Variants in EMC3 observed in about 807,000 individuals in gnomAD.
EMC3 encodes ER membrane protein complex subunit 3, also known as 30 kDa protein.
In EMC3, 13 loss-of-function variants were observed where a neutral mutation model predicts 36.6. The ratio of observed to expected loss-of-function variants is 0.35; its 90% CI spans 0.23 to 0.56. EMC3 has a LOEUF of 0.56. Ranked by LOEUF, EMC3 falls within the 20% of genes least tolerant of loss-of-function variation. The pLI is 0.84. For synonymous variants in EMC3, 120 were observed against 111.9 expected, an observed-to-expected ratio of 1.07 and a Z score of -0.46; for missense variants, 220 against 324.5, an observed-to-expected ratio of 0.68 and a Z score of 2.47.
Position 9,986,824 on chromosome 3 carries a change from C to G in EMC3, c.-163G>C, listed in dbSNP as rs6797980. ...GCCGAGCTTACTGCCTTCAGCTGGG[C>G]TGCCTGGTCTTCCACTTCCGGCGCG... On this transcript the variant is annotated 5_prime_UTR_variant, in exon 1 of 8. Transcript: ENST00000245046. 4.3e-6 allele frequency: 6 copies of G among 1,408,018 alleles called. No homozygotes were observed. Among genetic ancestry groups the G allele is most frequent in the Non-Finnish European group, 3.7e-6 (4 of 1,078,912 alleles). The allele number at this position is 1,408,018 out of a possible 1,614,324, so 87.2% of individuals were successfully genotyped here.
intron 7 of EMC3, among the ~76,000 whole-genome samples, chr3:9,968,159 A>G (rs2085750920): frequency 6.6e-6 from 1 of 152,206 alleles, no homozygotes; most frequent in South Asian, 2.1e-4. Context: ...TGACGTTGTG[A>G]TCTGCCCACC....
rs756743265 is a variant in EMC3, at chr3:9,964,077, T to G, written c.778A>C (p.Ile260Leu). 6.2e-7 allele frequency: 1 copy of G among 1,613,992 alleles called. No homozygotes were observed. The highest frequency in any genetic ancestry group is 2.2e-5 in the East Asian group (1 of 44,892). Residue 260 changes from isoleucine to leucine, a missense_variant, in exon 8 of 8, where the codon ATT (isoleucine) becomes CTT (leucine). Physicochemically the swap from Ile to Leu is conservative, Grantham distance 5. Transcript: ENST00000245046. ...TAATCCCTGCTCGGTCTTCAAAAAA[T>G]AGAGGTCTGTAATTCCTTTTTGAAC... ...GMFKKELQTS[I>L]F
At chr3:9,988,668 C>T (rs1226397247), upstream of EMC3, 26 of 1,260,246 alleles carry the variant, frequency 2.1e-5, 1 homozygote, top group African/African-American at 1.0e-4. Flanking sequence ...TAACGTGTTT[C>T]GCTGATGTGT....
chr3:10,007,276 C>G (rs1575707849), intron 1 of EMC3: 13 of 1,246,094 alleles, frequency 1.0e-5, no homozygotes, highest in Non-Finnish European at 1.4e-5. Flanking sequence ...CTTCCCCACA[C>G]TCACACTACC....
intron 7 of EMC3, among the ~76,000 whole-genome samples, chr3:9,966,824 C>G (rs2085740422): frequency 6.6e-6 from 1 of 152,194 alleles, no homozygotes; most frequent in Non-Finnish European, 1.5e-5. Flanking sequence ...ATCTGCCTGT[C>G]TCAGCCTCCC....
intron 1 of EMC3, chr3:10,006,504 GGAA>G (rs1345850697): frequency 6.5e-6 from 1 of 153,740 alleles, no homozygotes; most frequent in Non-Finnish European, 1.4e-5. Flanking sequence ...TGTGGAATGA[GGAA>G]ATCCCACTAC....
intron 7 of EMC3, among the ~76,000 whole-genome samples, chr3:9,967,891 T>C (rs1405040992): frequency 6.6e-6 from 1 of 152,274 alleles, no homozygotes; most frequent in East Asian, 1.9e-4. Flanking sequence ...TGTTTTGTAA[T>C]TTTTCAGTAT....
chr3:10,005,037 T>C (rs2086249116), intron 1 of EMC3: 1 of 152,204 alleles, frequency 6.6e-6, no homozygotes, highest in African/African-American at 2.4e-5. Flanking sequence ...GATAGGGAAC[T>C]GGCTCAGCAT....
intron 1 of EMC3, among the ~76,000 whole-genome samples, chr3:9,985,351 A>G (rs1254368807): frequency 1.3e-5 from 2 of 152,206 alleles, no homozygotes; most frequent in African/African-American, 4.8e-5. Flanking sequence ...ACGAGAAATT[A>G]ATGTGAGAGA....
intron 1 of EMC3, among the ~76,000 whole-genome samples, chr3:10,007,866 A>G (rs1203952212): frequency 6.6e-6 from 1 of 152,078 alleles, no homozygotes; most frequent in Non-Finnish European, 1.5e-5. Context: ...CCCACTACTG[A>G]TGGTGGCCAG....
At chr3:9,967,058 GC>G (rs1442279517) in intron 7 of EMC3, among the ~76,000 whole-genome samples, 1 of 151,946 alleles carries the variant, frequency 6.6e-6, no homozygotes, top group African/African-American at 2.4e-5. Flanking sequence ...ACTCCCCACT[GC>G]CCCCCATCCC....
upstream of EMC3, chr3:9,987,345 G>C: frequency 1.0e-6 from 1 of 983,210 alleles, no homozygotes; most frequent in Non-Finnish European, 1.2e-6. Flanking sequence ...GGCCGCGGTC[G>C]GCGTTCTTCT....
intron 1 of EMC3, chr3:10,005,280 G>A (rs566762246): frequency 6.6e-6 from 1 of 151,552 alleles, no homozygotes; most frequent in South Asian, 2.1e-4. Context: ...CAGACCTAAA[G>A]CCACAAAACA....
chr3:10,007,043 C>T, intron 1 of EMC3: 1 of 293,332 alleles, frequency 3.4e-6, no homozygotes, highest in South Asian at 3.0e-5. Context: ...GTCACAGACA[C>T]TCTGCTGCTT....
At chr3:9,970,186 T>C (rs2085770988) in intron 6 of EMC3, among the ~76,000 whole-genome samples, 1 of 152,208 alleles carries the variant, frequency 6.6e-6, no homozygotes, top group Non-Finnish European at 1.5e-5. Context: ...AATTCGAAGT[T>C]AAGTAACTTG....
chr3:9,966,668 A>G (rs1333468335), intron 7 of EMC3, among the ~76,000 whole-genome samples: 1 of 151,636 alleles, frequency 6.6e-6, no homozygotes, highest in Non-Finnish European at 1.5e-5. Flanking sequence ...TCTGCCTCCC[A>G]GGTTCAAGCA....
chr3:9,989,583 A>G (rs2086021018), upstream of EMC3, among the ~76,000 whole-genome samples: 2 of 152,294 alleles, frequency 1.3e-5, no homozygotes, highest in Admixed American at 6.5e-5. Flanking sequence ...TTGTTATCCA[A>G]TTTTGGGATG....
rs2085820691 is a variant in EMC3 at position 9,974,250 on chromosome 3, TCATCA to T, written c.412+129_412+133del. ...CATTTTTGGGCAAAAGCCGTAAAAGTCATCACATATTAAATTTTTTGTTCAAGGAC... is the reference window on the plus strand; with the variant it reads ...CATTTTTGGGCAAAAGCCGTAAAAGTCATATTAAATTTTTTGTTCAAGGAC... On this transcript the variant is annotated intron_variant, in intron 4 of 7. Transcript: ENST00000245046. The T allele has an allele frequency of 7.8e-6, 5 of 640,028 alleles. No individual in the cohort carries two copies. In the South Asian group the frequency reaches 9.8e-5, roughly 13 times the overall value. 39.6% of individuals were successfully genotyped at this position (640,028 alleles called of 1,614,324 possible).
chr3:10,000,676 G>A, intron 1 of EMC3: 1 of 479,204 alleles, frequency 2.1e-6, no homozygotes, highest in Admixed American at 2.2e-5. Context: ...AAGCTATCAA[G>A]CCTGCCCTTT....
Sources: gnomAD v4.1 joint callset for allele counts (sites outside exome capture counted in the v4.1 genomes callset) on GRCh38, gnomAD v4.1.1 for gene constraint, MANE v1.5 for transcripts, NCBI Gene and HGNC (gene_info 2026-07-23, HGNC 2026-07-21) for gene names.